Variants in FBXO42 observed in about 807,000 individuals in gnomAD.
FBXO42 encodes the protein F-box protein 42, also known as F-box only protein 42.
Under a neutral mutation model 71.7 loss-of-function variants are expected in FBXO42, and 12 were observed. The ratio of observed to expected loss-of-function variants is 0.17; its 90% CI spans 0.11 to 0.27. The LOEUF (loss-of-function observed/expected upper bound fraction) is 0.27, where lower values mean the gene tolerates loss of function less well. FBXO42 is among the 10% of genes least tolerant of loss of function. FBXO42 has a pLI of 1.00. For missense variants in FBXO42, 707 were observed against 911.9 expected (o/e 0.78, Z 2.89); for synonymous variants, 325 against 327.5 (o/e 0.99, Z 0.08).
chr1:16,316,164 C>T (rs1256111950), intron 1 of FBXO42, among the ~76,000 whole-genome samples: 1 of 71,564 alleles, frequency 1.4e-5, no homozygotes, highest in African/African-American at 3.8e-5. Flanking sequence ...AGCAAACCTC[C>T]ATCTCAAAAA....
At chr1:16,274,318 A>C (rs1024463926) in intron 4 of FBXO42, among the ~76,000 whole-genome samples, 2 of 150,798 alleles carry the variant, frequency 1.3e-5, no homozygotes, top group African/African-American at 2.4e-5. Context: ...AAAAAACACA[A>C]AAAAAAAAGA....
At chr1:16,290,553 A>G (rs2082066533) in intron 4 of FBXO42, among the ~76,000 whole-genome samples, 1 of 152,098 alleles carries the variant, frequency 6.6e-6, no homozygotes, top group Non-Finnish European at 1.5e-5. Context: ...TTAGCCAGGC[A>G]TGGTGGCACA....
At chr1:16,317,948 T>C (rs765992592) in intron 1 of FBXO42, among the ~76,000 whole-genome samples, 6 of 151,518 alleles carry the variant, frequency 4.0e-5, no homozygotes, top group Non-Finnish European at 8.8e-5. Context: ...AGAAGAAGAA[T>C]ATATACTATA....
At position 16,262,175 on chromosome 1, in the gene FBXO42, T is replaced by C. The variant is rs935181057; in HGVS notation, c.503-5416A>G. On this transcript the variant is annotated intron_variant, in intron 4 of 9. Transcript: ENST00000375592. ...TTTCTAAAAATCTACATATTTCATA[T>C]ATATGTGTGTGTGTATATGTATATA... Among the ~76,000 whole-genome samples, 4 of 152,166 alleles carry C rather than the reference T, an allele frequency of 2.6e-5. No individual in the cohort carries two copies. The East Asian group carries it at 7.7e-4, about 29-fold the overall frequency.
chr1:16,333,284 T>TA (rs2082519485), intron 1 of FBXO42, among the ~76,000 whole-genome samples: 1 of 152,178 alleles, frequency 6.6e-6, no homozygotes, highest in South Asian at 2.1e-4. Context: ...CTTCATAAGT[T>TA]ACAATTTTGC....
chr1:16,294,681 A>T, intron 4 of FBXO42, 102 bp downstream of exon 4: 1 of 1,253,136 alleles, frequency 8.0e-7, no homozygotes, highest in Non-Finnish European at 1.1e-6. Flanking sequence ...CCTGAGTCCC[A>T]GTAACCCATC....
intron 2 of FBXO42, among the ~76,000 whole-genome samples, chr1:16,307,708 A>T (rs2082267359): frequency 2.0e-5 from 3 of 152,190 alleles, no homozygotes; most frequent in Admixed American, 2.0e-4. Context: ...CGCACCAAAA[A>T]ATGAAATACT....
chr1:16,309,724 T>C (rs565538175), intron 2 of FBXO42, among the ~76,000 whole-genome samples: 2 of 151,636 alleles, frequency 1.3e-5, no homozygotes, highest in East Asian at 3.9e-4. Flanking sequence ...AAGGAGACCC[T>C]GTCTCGACAA....
chr1:16,295,958 A>T (rs2082125073), intron 3 of FBXO42, among the ~76,000 whole-genome samples: 1 of 152,204 alleles, frequency 6.6e-6, no homozygotes, highest in African/African-American at 2.4e-5. Flanking sequence ...GGTAACATTT[A>T]AAAAACACCA....
chr1:16,300,833 A>G (rs2082184417), intron 3 of FBXO42, among the ~76,000 whole-genome samples: 1 of 151,782 alleles, frequency 6.6e-6, no homozygotes, highest in South Asian at 2.1e-4. Flanking sequence ...AGGACATTCT[A>G]CATTAATTAA....
At chr1:16,253,299 T>A (rs1443544186) in intron 7 of FBXO42, 147 bp from the exon 8 acceptor site, 4 of 643,534 alleles carry the variant, frequency 6.2e-6, no homozygotes, top group African/African-American at 1.9e-5. Context: ...TAAAAACATA[T>A]CAATTCTGAT....
chr1:16,304,448 C>T (rs114141663), intron 3 of FBXO42, among the ~76,000 whole-genome samples: 1 of 151,934 alleles, frequency 6.6e-6, no homozygotes. Flanking sequence ...CGACACTTGT[C>T]ACATTCAAAA....
intron 7 of FBXO42, 80 bp from the exon 8 acceptor site, chr1:16,253,232 T>G (rs1252061052): frequency 1.7e-6 from 2 of 1,186,904 alleles, no homozygotes; most frequent in African/African-American, 1.5e-5. Flanking sequence ...TATATGAGAA[T>G]AGCCTACCTA....
rs375625217 is a variant in FBXO42, at chr1:16,331,477, T to C, written c.-17-16042A>G. Among the ~76,000 whole-genome samples the C allele has an allele frequency of 8.8e-4, 130 of 148,104 alleles. 2 individuals are homozygous for C. In the South Asian group the frequency reaches 0.013, roughly 14 times the overall value. On this transcript the variant is annotated intron_variant, in intron 1 of 9. Coordinates refer to ENST00000375592, the MANE Select transcript of FBXO42 (RefSeq NM_018994.3). The stretch of plus-strand genomic sequence containing the variant: ...TTTAATTAAAAAGTAAAAACCGGCT[T>C]GGTGCGGTGGCTCATGCCTGTAATC...
chr1:16,289,653 T>C (rs1016823620), intron 4 of FBXO42, among the ~76,000 whole-genome samples: 1 of 152,154 alleles, frequency 6.6e-6, no homozygotes, highest in African/African-American at 2.4e-5. Flanking sequence ...TATCATTCTT[T>C]AGGTCTCAGC....
intron 4 of FBXO42, among the ~76,000 whole-genome samples, chr1:16,282,466 T>C (rs575412016): frequency 6.6e-6 from 1 of 150,822 alleles, no homozygotes; most frequent in Non-Finnish European, 1.5e-5. Context: ...TCTCAGGTGA[T>C]CCACCCGCCT....
Position 16,256,743 on chromosome 1 carries a change from G to C in FBXO42, c.519C>G (p.Pro173=), listed in dbSNP as rs746952518. Residue 173 remains proline (P), a synonymous_variant, in exon 5 of 10, where the codon CCC becomes CCG. Transcript: ENST00000375592. ...RPLASGSYPS[P]KAGATLVVYK... is the part of the protein sequence containing the mutation. ...ACACGACCAGAGTTGCTCCAGCTTT[G>C]GGGGAAGGATAGGACCCTAGGGAAA... The C allele has an allele frequency of 2.5e-6, 4 of 1,614,020 alleles. No individual in the cohort carries two copies. In the African/African-American group the frequency reaches 5.3e-5, roughly 22 times the overall value.
intron 4 of FBXO42, among the ~76,000 whole-genome samples, chr1:16,281,270 C>T (rs180785071): frequency 4.6e-5 from 7 of 152,184 alleles, no homozygotes; most frequent in African/African-American, 1.4e-4. Flanking sequence ...CCTCGGTTTC[C>T]TCATTTGTAA....
intron 3 of FBXO42, among the ~76,000 whole-genome samples, chr1:16,299,923 G>A (rs924118863): frequency 2.6e-5 from 4 of 152,126 alleles, no homozygotes; most frequent in Non-Finnish European, 4.4e-5. Context: ...GATTACAGGC[G>A]TGAGCCACCA....
Sources: allele counts gnomAD v4.1 joint callset (sites outside exome capture counted in the v4.1 genomes callset), GRCh38; gene constraint gnomAD v4.1.1; transcripts MANE v1.5; gene names NCBI Gene and HGNC (gene_info 2026-07-23, HGNC 2026-07-21).